SLC8A1: variants seen among roughly 807,000 people sequenced by gnomAD.
SLC8A1 encodes the protein sodium/calcium exchanger 1.
A neutral mutation model predicts 68.3 loss-of-function variants in SLC8A1; 18 were observed. The ratio of observed to expected loss-of-function variants is 0.26; its 90% CI spans 0.18 to 0.39. SLC8A1 has a LOEUF of 0.39. Ranked by LOEUF, SLC8A1 falls within the 10% of genes least tolerant of loss-of-function variation. The pLI, the probability that SLC8A1 is intolerant of heterozygous loss-of-function variation, is 1.00. For missense variants in SLC8A1, 985 were observed against 1,156.7 expected, an observed-to-expected ratio of 0.85 and a Z score of 2.15; for synonymous variants, 475 against 415.5, an observed-to-expected ratio of 1.14 and a Z score of -1.74.
rs544007092 is a variant in SLC8A1 at position 40,211,005 on chromosome 2, A to G, written c.1809-33150T>C. Among the ~76,000 whole-genome samples, 5 of 152,360 alleles carry G rather than the reference A, an allele frequency of 3.3e-5. No homozygotes were observed. In the East Asian group the frequency reaches 9.6e-4, roughly 29 times the overall value. On this transcript the variant is annotated intron_variant, in intron 2 of 7. Transcript: ENST00000406785. ...ATCAAGACCCTCATTTTCTAGTGGT[A>G]TATCACCTTTGGAAAAGCCAGGCCA...
intron 1 of SLC8A1, among the ~76,000 whole-genome samples, chr2:40,441,279 G>C (rs148550672): frequency 1.3e-5 from 2 of 151,972 alleles, no homozygotes; most frequent in East Asian, 3.9e-4. Flanking sequence ...AATAAGGGAG[G>C]ACAGAAATGG....
intron 1 of SLC8A1, among the ~76,000 whole-genome samples, chr2:40,466,996 G>A (rs1703714142): frequency 1.3e-5 from 2 of 149,206 alleles, no homozygotes; most frequent in Admixed American, 1.3e-4. Flanking sequence ...AATGTGCAGA[G>A]AACGGAAGAG....
intron 2 of SLC8A1, among the ~76,000 whole-genome samples, chr2:40,394,610 T>A (rs2192773): frequency 0.73 from 110,621 of 151,964 alleles, 41,710 homozygotes; most frequent in African/African-American, 0.93. Flanking sequence ...TTTTTGAAAA[T>A]AAAGTTTGTG....
chr2:40,302,518 T>C (rs894717926), intron 2 of SLC8A1, among the ~76,000 whole-genome samples: 1 of 148,998 alleles, frequency 6.7e-6, no homozygotes, highest in Admixed American at 6.8e-5. Context: ...TGTATACATA[T>C]ATAACATATA....
At chr2:40,415,654 C>G (rs1693580101) in intron 2 of SLC8A1, among the ~76,000 whole-genome samples, 1 of 151,950 alleles carries the variant, frequency 6.6e-6, no homozygotes, top group Non-Finnish European at 1.5e-5. Context: ...TCTTTCATTT[C>G]AAAGGACTAA....
intron 2 of SLC8A1, among the ~76,000 whole-genome samples, chr2:40,353,993 C>A (rs1671916513): frequency 6.6e-6 from 1 of 152,186 alleles, no homozygotes; most frequent in African/African-American, 2.4e-5. Context: ...CAACACAATG[C>A]CAGGTTGAAC....
chr2:40,355,993 G>A (rs567032642), intron 2 of SLC8A1, among the ~76,000 whole-genome samples: 145 of 152,138 alleles, frequency 9.5e-4, no homozygotes, highest in African/African-American at 3.3e-3. Context: ...AGCACCTACC[G>A]AGAGCTAGAG....
intron 2 of SLC8A1, among the ~76,000 whole-genome samples, chr2:40,257,574 C>A (rs2064121065): frequency 6.6e-6 from 1 of 152,104 alleles, no homozygotes. Context: ...CGTATCAGAT[C>A]ACTCAAAGCA....
chr2:40,334,360 C>T (rs982800236), intron 2 of SLC8A1, among the ~76,000 whole-genome samples: 1 of 152,142 alleles, frequency 6.6e-6, no homozygotes, highest in Admixed American at 6.6e-5. Flanking sequence ...AAAGGCATAA[C>T]CATTTCAGTT....
At position 40,301,812 on chromosome 2, in the gene SLC8A1, T is replaced by G. The variant is rs140699448; in HGVS notation, c.1809-123957A>C. Among the ~76,000 whole-genome samples the G allele has an allele frequency of 3.0e-4, 45 of 152,304 alleles. No homozygotes were observed. In the East Asian group the frequency reaches 8.7e-3, roughly 29 times the overall value. Reference sequence around the variant, plus strand: ...TTGGTTTCATGAGTAAGTTCTTTAGTGGTGATTTGTGAGATTTTGGTGTGC... The same window carrying G: ...TTGGTTTCATGAGTAAGTTCTTTAGGGGTGATTTGTGAGATTTTGGTGTGC... On this transcript the variant is annotated intron_variant, in intron 2 of 7. Transcript: ENST00000406785.
At chr2:40,370,881 G>T (rs1201682634) in intron 2 of SLC8A1, among the ~76,000 whole-genome samples, 1 of 152,044 alleles carries the variant, frequency 6.6e-6, no homozygotes, top group African/African-American at 2.4e-5. Context: ...CACTGAGAAA[G>T]TAAACCCCAA....
At chr2:40,267,592 T>C (rs532522776) in intron 2 of SLC8A1, among the ~76,000 whole-genome samples, 3 of 152,318 alleles carry the variant, frequency 2.0e-5, no homozygotes, top group East Asian at 1.9e-4. Context: ...CCAGCAATAA[T>C]TGCCATGCCT....
chr2:40,322,501 TAAAAAAAAAA>T (rs10708563), intron 2 of SLC8A1, among the ~76,000 whole-genome samples: 1 of 97,324 alleles, frequency 1.0e-5, no homozygotes, highest in East Asian at 2.9e-4. Context: ...TACAAAAGGT[TAAAAAAAAAA>T]AAAAAAAAAA....
intron 4 of SLC8A1, 51 bp from the exon 7 acceptor site, chr2:40,170,400 C>T: frequency 2.7e-6 from 4 of 1,490,356 alleles, no homozygotes; most frequent in Non-Finnish European, 3.7e-6. Context: ...CATTGATTTG[C>T]TATCAGAGCT....
At chr2:40,429,810 A>G in exon 2 of SLC8A1, 1 of 1,613,754 alleles carries the variant, frequency 6.2e-7, no homozygotes, top group Non-Finnish European at 8.5e-7. Context: ...AGTTATGGCC[A>G]CACACTTCAA....
exon 8 of SLC8A1, chr2:40,114,425 G>C (rs1028780695): frequency 2.0e-5 from 3 of 152,892 alleles, no homozygotes; most frequent in African/African-American, 7.2e-5. Context: ...GGGTTGGGAT[G>C]GGGCACCTGG....
At chr2:40,487,651 A>G (rs1023220711) in intron 1 of SLC8A1, among the ~76,000 whole-genome samples, 50 of 152,314 alleles carry the variant, frequency 3.3e-4, no homozygotes, top group African/African-American at 1.2e-3. Context: ...CAGCTCTACC[A>G]AGATACTTCC....
At chr2:40,280,843 T>A (rs1036291279) in intron 2 of SLC8A1, among the ~76,000 whole-genome samples, 1 of 152,212 alleles carries the variant, frequency 6.6e-6, no homozygotes, top group East Asian at 1.9e-4. Flanking sequence ...GCAGGAAGAA[T>A]GTTTTGTGCA....
chr2:40,219,365 G>A (rs116739192), intron 2 of SLC8A1, among the ~76,000 whole-genome samples: 3,388 of 152,296 alleles, frequency 0.022, 49 homozygotes, highest in Non-Finnish European at 0.032. Flanking sequence ...GTCAGCACAT[G>A]GCAAAGTTTG....
Sources: gnomAD v4.1 joint callset for allele counts (sites outside exome capture counted in the v4.1 genomes callset) on GRCh38, gnomAD v4.1.1 for gene constraint, MANE v1.5 for transcripts, NCBI Gene and HGNC (gene_info 2026-07-23, HGNC 2026-07-21) for gene names.